The following RORC variants were observed in gnomAD, a reference collection of about 807,000 sequenced individuals.
The protein encoded by RORC is RAR related orphan receptor C.
Under a neutral mutation model 64.5 loss-of-function variants are expected in RORC, and 13 were observed. That is an observed-to-expected ratio of 0.20 (90% CI 0.13 to 0.32). RORC has a LOEUF of 0.32. Ranked by LOEUF, RORC falls within the 10% of genes least tolerant of loss-of-function variation. RORC has a pLI of 1.00. For synonymous variants in RORC, 277 were observed against 259.3 expected, an observed-to-expected ratio of 1.07 and a Z score of -0.65; for missense variants, 468 against 669.5, an observed-to-expected ratio of 0.70 and a Z score of 3.32.
In RORC at chr1:151,830,951, C is replaced by T. The variant is rs778067954; in HGVS notation, c.40+774G>A. On this transcript the variant is annotated intron_variant, in intron 1 of 10. Coordinates refer to ENST00000318247, the MANE Select transcript of RORC (RefSeq NM_005060.4). The surrounding 1 kb of genome is among the most constrained non-coding windows in gnomAD (Gnocchi z 4.0). ...ACCCAGGCAGCCAGTTCTTCCTCCA[C>T]CAGGTGGCCCTGGAGCTTGGTGGCT... is the stretch of plus-strand genomic sequence containing the variant. 1 of 1,289,276 alleles carries T rather than the reference C, an allele frequency of 7.8e-7. No individual in the cohort carries two copies. Among genetic ancestry groups the T allele is most frequent in the Non-Finnish European group, 1.0e-6 (1 of 988,770 alleles). 79.9% of individuals were successfully genotyped at this position (1,289,276 alleles called of 1,614,324 possible). A position where few individuals can be genotyped will look rare whatever the true frequency, so the allele number is the denominator to read the frequency against.
rs199663055 is a variant in RORC at position 151,811,303 on chromosome 1, C to T, written c.1395+22G>A. 1.4e-5 allele frequency: 21 copies of T among 1,534,472 alleles called. No individual in the cohort carries two copies. In the East Asian group the frequency reaches 4.3e-4, roughly 31 times the overall value. On this transcript the variant is annotated intron_variant, in intron 10 of 10. Coordinates refer to ENST00000318247, the MANE Select transcript of RORC (RefSeq NM_005060.4). ...GAGCTAGCGATGGGCCTGGCCTCTT[C>T]TACCCCAGGGACTGCTCCTACCTTT...
At chr1:151,809,796 G>A (rs1379568726) in intron 10 of RORC, among the ~76,000 whole-genome samples, 1 of 152,194 alleles carries the variant, frequency 6.6e-6, no homozygotes, top group African/African-American at 2.4e-5. Flanking sequence ...CTGGCACATA[G>A]CAAAGGCCTG....
Position 151,816,656 on chromosome 1 carries a change from G to C in RORC, c.298+8C>G. 8 of 1,600,568 alleles carry C rather than the reference G, an allele frequency of 5.0e-6. No homozygotes were observed. Among genetic ancestry groups the C allele is most frequent in the Non-Finnish European group, 6.8e-6 (8 of 1,174,082 alleles). On this transcript the variant is annotated splice_region_variant and intron_variant, in intron 4 of 10. Transcript: ENST00000318247. ...GAAAACCCCAGGGGGCTGTCGACTT[G>C]GCCTCACCATCTCGGGACATGCCCA...
At chr1:151,814,539 G>GA in intron 6 of RORC, 35 bp downstream of exon 6, 1 of 1,594,010 alleles carries the variant, frequency 6.3e-7, no homozygotes, top group Non-Finnish European at 8.6e-7. Context: ...GTGGGGGTGG[G>GA]ATACGTTCCC....
intron 2 of RORC, among the ~76,000 whole-genome samples, chr1:151,827,794 G>C (rs1652253035): frequency 6.6e-6 from 1 of 152,186 alleles, no homozygotes; most frequent in African/African-American, 2.4e-5. Flanking sequence ...TCTTGGGGTG[G>C]GGACACGAGG....
Position 151,811,448 on chromosome 1 carries a change from T to C in RORC, c.1286-14A>G, listed in dbSNP as rs1460195127. 1.3e-6 allele frequency: 2 copies of C among 1,541,754 alleles called. No individual in the cohort carries two copies. The highest frequency in any genetic ancestry group is 3.4e-5 in the Admixed American group (2 of 59,254). ...GCCCTGGCCGATCTGGAGGAGGGGGTGGGACCGTAATGAGAACAAGAAAGA... is the reference window on the plus strand; with the variant it reads ...GCCCTGGCCGATCTGGAGGAGGGGGCGGGACCGTAATGAGAACAAGAAAGA... On this transcript the variant is annotated splice_polypyrimidine_tract_variant and intron_variant, in intron 9 of 10. Transcript: ENST00000318247.
chr1:151,825,254 C>G (rs1456510777), intron 2 of RORC, among the ~76,000 whole-genome samples: 1 of 152,154 alleles, frequency 6.6e-6, no homozygotes, highest in Non-Finnish European at 1.5e-5. Context: ...GAACCACACA[C>G]ACACATACAC....
chr1:151,825,311 G>A (rs935786855), intron 2 of RORC, among the ~76,000 whole-genome samples: 4 of 151,994 alleles, frequency 2.6e-5, no homozygotes, highest in African/African-American at 9.7e-5. Flanking sequence ...CACACACGCA[G>A]GCATGTGCCC....
In RORC at chr1:151,807,566, T is replaced by C. The variant is rs1037634340; in HGVS notation, c.1463A>G (p.His488Arg). Residue 488 changes from histidine (H) to arginine (R), a missense_variant, in exon 11 of 11, where the codon CAC (histidine) becomes CGC (arginine). Physicochemically the swap from His to Arg is conservative, Grantham distance 29 (BLOSUM62 0). Around this residue, in one of 5 missense-constraint regions of RORC, gnomAD observed 93 missense variants for 116.6 expected, o/e 0.80. Transcript: ENST00000318247. The surrounding 1 kb of genome is among the most constrained non-coding windows in gnomAD (Gnocchi z 5.0). Reference sequence around the variant, plus strand: ...GGCTTGGACCACGATGGGGTGGAGGTGCTGGAAGATCTGCAGCCTTTCCAC... The same window carrying C: ...GGCTTGGACCACGATGGGGTGGAGGCGCTGGAAGATCTGCAGCCTTTCCAC... ...QHVERLQIFQHLHPIVVQAAF... is the reference protein window; with the variant it reads ...QHVERLQIFQRLHPIVVQAAF... 24 of 1,613,964 alleles carry C rather than the reference T, an allele frequency of 1.5e-5. No individual in the cohort carries two copies. Among genetic ancestry groups the C allele is most frequent in the Non-Finnish European group, 2.0e-5 (24 of 1,179,972 alleles).
At chr1:151,808,819 A>G (rs1056276583) in intron 10 of RORC, among the ~76,000 whole-genome samples, 6 of 152,346 alleles carry the variant, frequency 3.9e-5, no homozygotes, top group African/African-American at 1.4e-4. Flanking sequence ...GTATGGGGTT[A>G]CTGGTCAGGA....
At chr1:151,814,343 G>A (rs1651660505) in intron 6 of RORC, 1 of 484,804 alleles carries the variant, frequency 2.1e-6, no homozygotes, top group Admixed American at 3.8e-5. Context: ...ATGAAGGCCA[G>A]GTACAATTTT....
At chr1:151,814,450 T>G in intron 6 of RORC, 124 bp downstream of exon 6, 1 of 1,005,314 alleles carries the variant, frequency 9.9e-7, no homozygotes, top group Non-Finnish European at 1.5e-6. Context: ...CACATGCTTG[T>G]TGGCCAGCCT....
chr1:151,821,994 C>T (rs760952255), intron 2 of RORC, among the ~76,000 whole-genome samples: 6 of 152,160 alleles, frequency 3.9e-5, no homozygotes, highest in Non-Finnish European at 7.3e-5. Context: ...TTCCCGGGGA[C>T]TCCTCAGGAA....
chr1:151,822,086 A>G (rs1652014933), intron 2 of RORC, among the ~76,000 whole-genome samples: 2 of 151,754 alleles, frequency 1.3e-5, no homozygotes, highest in Admixed American at 1.3e-4. Flanking sequence ...AATGAGTGAG[A>G]AAGAGGAATG....
intron 2 of RORC, among the ~76,000 whole-genome samples, chr1:151,819,831 G>C (rs1391779560): frequency 6.6e-6 from 1 of 152,006 alleles, no homozygotes; most frequent in Non-Finnish European, 1.5e-5. Context: ...CCCATGTTTG[G>C]GCGACACCAA....
chr1:151,807,660 G>C lies in RORC; in HGVS notation c.1396-27C>G. ...TGGATATGGGTTAATGGGGAAGGGA[G>C]GGTCAATACTTCAGCTCTCCTCAGA... On this transcript the variant is annotated intron_variant, in intron 10 of 10. Coordinates refer to ENST00000318247, the MANE Select transcript of RORC (RefSeq NM_005060.4). The surrounding 1 kb of genome is among the most constrained non-coding windows in gnomAD (Gnocchi z 5.0). The C allele has an allele frequency of 6.2e-7, 1 of 1,612,202 alleles. No individual in the cohort carries two copies. The highest frequency in any genetic ancestry group is 1.3e-5 in the African/African-American group (1 of 75,022).
Position 151,814,980 on chromosome 1 carries a change from T to C in RORC, c.744A>G (p.Pro248=). 1 of 1,614,232 alleles carries C rather than the reference T, an allele frequency of 6.2e-7. No individual in the cohort carries two copies. Among genetic ancestry groups the C allele is most frequent in the South Asian group, 1.1e-5 (1 of 91,086 alleles). Residue 248 remains proline (P), a synonymous_variant, in exon 5 of 11, where the codon CCA becomes CCG. Coordinates refer to ENST00000318247, the MANE Select transcript of RORC (RefSeq NM_005060.4). ...GGAAACTGGGGCTGCCGTAGCTGTC[T>C]GGGCCCTGTCCCAGTTCCCCAAGCC... ...HPGLGELGQG[P]DSYGSPSFRS... is the part of the protein sequence containing the mutation.
chr1:151,817,238 G>A lies in RORC; in HGVS notation c.113C>T (p.Ser38Leu), dbSNP rs774357869. ...GATAACCCCGTAGTGGATCCCAGAC[G>A]ACTTGTCCCCACAGATTTTGCAAGG... ...VIPCKICGDKSSGIHYGVITC... is the reference protein window; with the variant it reads ...VIPCKICGDKLSGIHYGVITC... Residue 38 changes from serine (S) to leucine (L), a missense_variant, in exon 3 of 11, where the codon TCG becomes TTG. This residue lies in a region of RORC where 13 missense variants were observed against 46.0 expected (regional missense o/e 0.28). Coordinates refer to ENST00000318247, the MANE Select transcript of RORC (RefSeq NM_005060.4). The A allele has an allele frequency of 6.2e-7, 1 of 1,614,070 alleles. No homozygotes were observed. The highest frequency in any genetic ancestry group is 8.5e-7 in the Non-Finnish European group (1 of 1,179,966).
Position 151,831,176 on chromosome 1 carries a change from A to T in RORC, c.40+549T>A, listed in dbSNP as rs1015709891. 9 of 1,218,596 alleles carry T rather than the reference A, an allele frequency of 7.4e-6. No individual in the cohort carries two copies. In the Admixed American group the frequency reaches 2.3e-4, roughly 31 times the overall value. 75.5% of individuals were successfully genotyped at this position (1,218,596 alleles called of 1,614,324 possible). A position where few individuals can be genotyped will look rare whatever the true frequency, so the allele number is the denominator to read the frequency against. ...ACATCCCTGGGTGAGTGGCGAGGAA[A>T]GGACCAGGCTACGTGGTCATGGGCA... On this transcript the variant is annotated intron_variant, in intron 1 of 10. Transcript: ENST00000318247.
Sources: gnomAD v4.1 joint callset for allele counts (sites outside exome capture counted in the v4.1 genomes callset) on GRCh38, gnomAD v4.1.1 for gene constraint, gnomAD v4.1.1 regional missense constraint, Gnocchi (gnomAD v3.1) non-coding constraint, MANE v1.5 for transcripts, NCBI Gene and HGNC (gene_info 2026-07-23, HGNC 2026-07-21) for gene names.